The following EPHB4 variants were observed in gnomAD, a reference collection of about 807,000 sequenced individuals.
EPHB4 encodes ephrin type-B receptor 4.
Under a neutral mutation model 110.6 loss-of-function variants are expected in EPHB4, and 50 were observed. That is an observed-to-expected ratio of 0.45 (90% CI 0.36 to 0.57). EPHB4 has a LOEUF of 0.57. Ranked by LOEUF, EPHB4 falls within the 20% of genes least tolerant of loss-of-function variation. EPHB4 has a pLI of 0.00. For synonymous variants in EPHB4, 592 were observed against 578.4 expected (o/e 1.02, Z -0.34); for missense variants, 1,128 against 1,382.1 (o/e 0.82, Z 2.91).
At position 100,817,237 on chromosome 7, in the gene EPHB4, A is replaced by G. The variant is rs1443727484; in HGVS notation, c.1543T>C (p.Tyr515His). The change falls in exon 8 of 17, where the codon TAC becomes CAC. Residue 515 changes from tyrosine to histidine, a missense_variant. This residue lies in a region of EPHB4 where 728 missense variants were observed against 828.6 expected (regional missense o/e 0.88). Coordinates refer to ENST00000358173, the MANE Select transcript of EPHB4 (RefSeq NM_004444.5). ...TGATGTTCCTGGCCGAAGGGCCCGT[A>G]GCCGGCCTCAGAGCGCGCCCGTACC... ...VQVRARSEAGYGPFGQEHHSQ... is the reference protein window; with the variant it reads ...VQVRARSEAGHGPFGQEHHSQ... The G allele has an allele frequency of 6.2e-7, 1 of 1,601,588 alleles. No individual in the cohort carries two copies. Among genetic ancestry groups the G allele is most frequent in the East Asian group, 2.3e-5 (1 of 43,502 alleles).
chr7:100,817,661 T>G (rs1266254150), intron 7 of EPHB4, among the ~76,000 whole-genome samples: 3 of 152,014 alleles, frequency 2.0e-5, no homozygotes, highest in African/African-American at 4.8e-5. Context: ...CCTGAGTAGC[T>G]GGGATTACAG....
At position 100,803,428 on chromosome 7, in the gene EPHB4, G is replaced by A. The variant is rs1232113209; in HGVS notation, c.*33C>T. On this transcript the variant is annotated 3_prime_UTR_variant, in exon 17 of 17. Transcript: ENST00000358173. Reference sequence around the variant, plus strand: ...CCCACTCTGCCCCGGAAAATGGGGAGGCGGTGTCCCTGGGGTGGGGAGTTC... The same window carrying A: ...CCCACTCTGCCCCGGAAAATGGGGAAGCGGTGTCCCTGGGGTGGGGAGTTC... 2.0e-6 allele frequency: 3 copies of A among 1,504,486 alleles called. No individual in the cohort carries two copies. The highest frequency in any genetic ancestry group is 2.0e-5 in the Admixed American group (1 of 49,100). 93.2% of individuals were successfully genotyped at this position (1,504,486 alleles called of 1,614,324 possible).
intron 1 of EPHB4, 133 bp downstream of exon 1, chr7:100,826,846 C>G (rs1366221616): frequency 8.8e-6 from 8 of 910,788 alleles, no homozygotes; most frequent in African/African-American, 5.2e-5. Context: ...CCAGCACTAT[C>G]GGTCCGAAGT....
rs765513316 is a variant in EPHB4 at position 100,805,124 on chromosome 7, C to G, written c.2834+42G>C. ...GACCCCGTGGGCCTGACTCCAGCTG[C>G]CCCGCTCTCCCAGCCCCACTCCAGC... is the stretch of plus-strand genomic sequence containing the variant. On this transcript the variant is annotated intron_variant, in intron 16 of 16. Transcript: ENST00000358173. 2.1e-5 allele frequency: 34 copies of G among 1,593,118 alleles called. No homozygotes were observed. In the Middle Eastern group the frequency reaches 1.4e-3, roughly 63 times the overall value.
At position 100,807,575 on chromosome 7, in the gene EPHB4, G is replaced by C; in HGVS notation, c.2124C>G (p.Asn708Lys). 1 of 1,612,868 alleles carries C rather than the reference G, an allele frequency of 6.2e-7. No individual in the cohort carries two copies. The highest frequency in any genetic ancestry group is 8.5e-7 in the Non-Finnish European group (1 of 1,179,084). Residue 708 changes from asparagine (N) to lysine (K), a missense_variant, in exon 13 of 17, where the codon AAC (asparagine) becomes AAG (lysine). Physicochemically the swap from Asn to Lys is moderately conservative, Grantham distance 94. This residue lies in a region of EPHB4 where 191 missense variants were observed against 313.0 expected (regional missense o/e 0.61). Transcript: ENST00000358173. ...NGALDSFLRL[N>K]DGQFTVIQLV... ...GCTGGATGACTGTGAACTGTCCGTC[G>C]TTTAGCTGGAGAGCAGATAGGGTGG...
chr7:100,822,126 C>T lies in EPHB4; in HGVS notation c.808+145G>A, dbSNP rs1181675476. 1 of 1,196,456 alleles carries T rather than the reference C, an allele frequency of 8.4e-7. No homozygotes were observed. The allele number at this position is 1,196,456 out of a possible 1,614,324, so 74.1% of individuals were successfully genotyped here. ...GGTTGCAGTTGAGCAGAGATTGTGC[C>T]ACTGCACTCCAGCCTGGGTGACAGA... is the stretch of plus-strand genomic sequence containing the variant. On this transcript the variant is annotated intron_variant, in intron 4 of 16. Coordinates refer to ENST00000358173, the MANE Select transcript of EPHB4 (RefSeq NM_004444.5). This position sits in a 1 kb window ranked among gnomAD's most constrained non-coding sequence, Gnocchi z 4.7.
chr7:100,821,657 CG>C (rs1813237136), intron 4 of EPHB4, among the ~76,000 whole-genome samples: 1 of 149,740 alleles, frequency 6.7e-6, no homozygotes, highest in South Asian at 2.1e-4. Context: ...TTTTTAGAGA[CG>C]GGGTCTTGCT....
chr7:100,820,484 T>A, intron 4 of EPHB4, 188 bp from the exon 5 acceptor site: 1 of 502,602 alleles, frequency 2.0e-6, no homozygotes, highest in Non-Finnish European at 3.2e-6. Context: ...AAAAAAAAAT[T>A]CCAGCTTCTT....
At chr7:100,808,354 G>T (rs1812858969) in intron 12 of EPHB4, among the ~76,000 whole-genome samples, 1 of 152,088 alleles carries the variant, frequency 6.6e-6, no homozygotes. Context: ...TAGTAGCTGG[G>T]ACTATAGGTG....
Position 100,824,014 on chromosome 7 carries a change from G to A in EPHB4, c.124-83C>T. ...TGGGGTGAATCCTATAAAGTGAGAG[G>A]GACTGAGAAAGGGGGGCTGCTGGTA... On this transcript the variant is annotated intron_variant, in intron 2 of 16. Transcript: ENST00000358173. 4.0e-6 allele frequency: 6 copies of A among 1,511,554 alleles called. 1 individual carries two copies. The highest frequency in any genetic ancestry group is 1.3e-5 in the South Asian group (1 of 78,860). 93.6% of individuals were successfully genotyped at this position (1,511,554 alleles called of 1,614,324 possible).
In EPHB4 at chr7:100,813,189, G is replaced by A. The variant is rs1812981598; in HGVS notation, c.1776C>T (p.Asp592=). The change falls in exon 11 of 17, where the codon GAC becomes GAT. Residue 592 remains aspartate (D), a synonymous_variant. Coordinates refer to ENST00000358173, the MANE Select transcript of EPHB4 (RefSeq NM_004444.5). ...CATTAGGGTCTTCATAAGTGAAGGG[G>A]TCGATGTAGACCTTAGTACCTGAGA... ...LIGHGTKVYI[D]PFTYEDPNEA... The A allele has an allele frequency of 6.2e-7, 1 of 1,604,630 alleles. No homozygotes were observed. Among genetic ancestry groups the A allele is most frequent in the Non-Finnish European group, 8.5e-7 (1 of 1,179,964 alleles).
At chr7:100,821,929 G>A (rs1584665399) in intron 4 of EPHB4, among the ~76,000 whole-genome samples, 1 of 152,244 alleles carries the variant, frequency 6.6e-6, no homozygotes, top group African/African-American at 2.4e-5. Context: ...GGGAGGCCGA[G>A]GCGGGCAAAT....
intron 8 of EPHB4, among the ~76,000 whole-genome samples, chr7:100,814,419 A>G (rs1227287979): frequency 6.6e-6 from 1 of 152,162 alleles, no homozygotes; most frequent in African/African-American, 2.4e-5. Context: ...CTGGGATTAC[A>G]GGTGTGTACC....
chr7:100,824,346 A>C, intron 1 of EPHB4, 73 bp from the exon 2 acceptor site: 1 of 1,526,276 alleles, frequency 6.6e-7, no homozygotes, highest in South Asian at 1.1e-5. Context: ...ATCCCTGGGA[A>C]CCGAGGCAGG....
chr7:100,819,779 G>A lies in EPHB4; in HGVS notation c.1075C>T (p.Leu359Phe). ...SGGREDLTYA[L>F]RCRECRPGGS... ...CCGGGTCGGCACTCCCGGCAGCGGA[G>A]GGCGTAGGTGAGGTCCTCTCGGCCA... The change falls in exon 6 of 17, where the codon CTC becomes TTC. Residue 359 changes from leucine (L) to phenylalanine (F), a missense_variant. Physicochemically the swap from Leu to Phe is conservative, Grantham distance 22. Transcript: ENST00000358173. 6.3e-7 allele frequency: 1 copy of A among 1,584,498 alleles called. No homozygotes were observed. Among genetic ancestry groups the A allele is most frequent in the Non-Finnish European group, 8.6e-7 (1 of 1,165,668 alleles).
chr7:100,807,865 G>A (rs1019484705), intron 12 of EPHB4, among the ~76,000 whole-genome samples: 2 of 152,136 alleles, frequency 1.3e-5, no homozygotes, highest in Non-Finnish European at 2.9e-5. Flanking sequence ...CTGGCCTGAA[G>A]CGATCCTTCC....
At chr7:100,823,464 A>G (rs1021267224) in intron 3 of EPHB4, among the ~76,000 whole-genome samples, 180 bp downstream of exon 3, 4 of 152,086 alleles carry the variant, frequency 2.6e-5, no homozygotes, top group Non-Finnish European at 4.4e-5. Context: ...CAGCCCCCGT[A>G]TATTCTGCTC....
In EPHB4 at chr7:100,824,386, T is replaced by C. The variant is rs545941813; in HGVS notation, c.53-113A>G. The C allele has an allele frequency of 1.5e-5, 18 of 1,164,442 alleles. No homozygotes were observed. The Admixed American group carries it at 2.4e-4, about 15-fold the overall frequency. The allele number at this position is 1,164,442 out of a possible 1,614,324, so 72.1% of individuals were successfully genotyped here. On this transcript the variant is annotated intron_variant, in intron 1 of 16. Coordinates refer to ENST00000358173, the MANE Select transcript of EPHB4 (RefSeq NM_004444.5). ...TCCTCTTAGCTCTGAGCTAGAGGAG[T>C]TGGGGGGCCAAGAGGGGAGCAAGCC...
chr7:100,809,521 C>T (rs942885472), intron 12 of EPHB4, among the ~76,000 whole-genome samples: 2 of 152,008 alleles, frequency 1.3e-5, no homozygotes, highest in African/African-American at 2.4e-5. Flanking sequence ...TGCTGGTCTT[C>T]CCATCTCTCT....
Sources: gnomAD v4.1 joint callset for allele counts (sites outside exome capture counted in the v4.1 genomes callset) on GRCh38, gnomAD v4.1.1 for gene constraint, gnomAD v4.1.1 regional missense constraint, Gnocchi (gnomAD v3.1) non-coding constraint, MANE v1.5 for transcripts, NCBI Gene and HGNC (gene_info 2026-07-23, HGNC 2026-07-21) for gene names.